BCL2: variants seen among roughly 807,000 people sequenced by gnomAD.
BCL2 encodes the protein BCL2 apoptosis regulator.
In BCL2, 1 loss-of-function variant was observed where a neutral mutation model predicts 14.2. The observed-to-expected ratio is 0.07, with a 90% CI of 0.02 to 0.33. The LOEUF is 0.33. Ranked by LOEUF, BCL2 falls within the 10% of genes least tolerant of loss-of-function variation. The pLI is 0.99. For missense variants in BCL2, 247 were observed against 305.9 expected, an observed-to-expected ratio of 0.81 and a Z score of 1.44; for synonymous variants, 151 against 137.2, an observed-to-expected ratio of 1.10 and a Z score of -0.70.
intron 2 of BCL2, among the ~76,000 whole-genome samples, chr18:63,217,917 G>A (rs1167486467): frequency 1.3e-5 from 2 of 152,142 alleles, no homozygotes; most frequent in Non-Finnish European, 2.9e-5. Context: ...TGGGTTCCTT[G>A]TACTACGAAG....
rs533893084 is a variant in BCL2 at position 63,307,024 on chromosome 18, A to AT, written c.585+11057dup. 2.0e-4 allele frequency among the ~76,000 whole-genome samples: 31 copies of AT among 152,108 alleles called. 1 individual carries two copies. In the East Asian group the frequency reaches 5.0e-3, roughly 25 times the overall value. On this transcript the variant is annotated intron_variant, in intron 2 of 2. Transcript: ENST00000333681. ...CCACTTCCCCAGGGCCTGGCTCAATATTTTTTTAAAAGTATGGTATAAATG... is the reference window on the plus strand; with the variant it reads ...CCACTTCCCCAGGGCCTGGCTCAATATTTTTTTTAAAAGTATGGTATAAATG...
rs117538898 is a variant in BCL2, at chr18:63,135,254, C to G, written c.586-6495G>C. On this transcript the variant is annotated intron_variant, in intron 2 of 2. Coordinates refer to ENST00000333681, the MANE Select transcript of BCL2 (RefSeq NM_000633.3). ...TACCCAGGGAACCTCCTCCCTGCCT[C>G]CCTCAACTTGCTTCCTCCCATCCCG... Among the ~76,000 whole-genome samples, 824 of 152,272 alleles carry G rather than the reference C, an allele frequency of 5.4e-3. 3 individuals carry two copies. The highest frequency in any genetic ancestry group is 9.1e-3 in the Non-Finnish European group (622 of 68,008).
chr18:63,136,638 C>T (rs992459557), intron 2 of BCL2, among the ~76,000 whole-genome samples: 6 of 152,206 alleles, frequency 3.9e-5, no homozygotes, highest in East Asian at 1.9e-4. Flanking sequence ...TTATTGCTAC[C>T]GGCAAACAGA....
intron 2 of BCL2, among the ~76,000 whole-genome samples, chr18:63,218,658 C>T (rs1482303146): frequency 6.4e-4 from 30 of 46,684 alleles, no homozygotes; most frequent in Non-Finnish European, 8.9e-4. Flanking sequence ...TCCACTCATC[C>T]CCATCCTCCA....
At position 63,318,043 on chromosome 18, in the gene BCL2, G is replaced by A. The variant is rs768883638; in HGVS notation, c.585+39C>T. On this transcript the variant is annotated intron_variant, in intron 2 of 2. Transcript: ENST00000333681. This position sits in a 1 kb window ranked among gnomAD's most constrained non-coding sequence, Gnocchi z 7.4. ...ACTCCAACCCCCGCATCTCGGACCT[G>A]TGGCCTCAGCCCAGACTCACATCAC... The A allele has an allele frequency of 6.2e-7, 1 of 1,604,690 alleles. No individual in the cohort carries two copies. Among genetic ancestry groups the A allele is most frequent in the Admixed American group, 1.7e-5 (1 of 59,466 alleles).
intron 2 of BCL2, among the ~76,000 whole-genome samples, chr18:63,267,965 T>C (rs1324219175): frequency 1.3e-5 from 2 of 152,206 alleles, no homozygotes; most frequent in East Asian, 3.8e-4. Flanking sequence ...CCTTACATGC[T>C]TCACGTGAAG....
At position 63,124,435 on chromosome 18, in the gene BCL2, G is replaced by A. The variant is rs954777038; in HGVS notation, c.*4190C>T. The stretch of plus-strand genomic sequence containing the variant: ...CTGATGTCTCTGGAATCTAAAGGTC[G>A]TACCACAAACTTCAAAATGTTTCTC... On this transcript the variant is annotated 3_prime_UTR_variant, in exon 3 of 3. Coordinates refer to ENST00000333681, the MANE Select transcript of BCL2 (RefSeq NM_000633.3). The A allele has an allele frequency of 1.3e-5, 3 of 231,052 alleles. No homozygotes were observed. Among genetic ancestry groups the A allele is most frequent in the East Asian group, 1.2e-4 (2 of 16,430 alleles). 14.3% of individuals were successfully genotyped at this position (231,052 alleles called of 1,614,324 possible). A position where few individuals can be genotyped will look rare whatever the true frequency, so the allele number is the denominator to read the frequency against.
intron 2 of BCL2, among the ~76,000 whole-genome samples, chr18:63,218,337 C>T (rs1198076225): frequency 6.6e-6 from 1 of 152,070 alleles, no homozygotes; most frequent in African/African-American, 2.4e-5. Context: ...AAAATGCCCA[C>T]CAGATCTCCT....
At chr18:63,160,823 C>T (rs910888994) in intron 2 of BCL2, among the ~76,000 whole-genome samples, 12 of 152,014 alleles carry the variant, frequency 7.9e-5, no homozygotes, top group African/African-American at 2.7e-4. Flanking sequence ...GGTAAGGGTA[C>T]CCCTGCTCCA....
chr18:63,272,178 G>A (rs1044534997), intron 2 of BCL2, among the ~76,000 whole-genome samples: 9 of 152,138 alleles, frequency 5.9e-5, no homozygotes, highest in Admixed American at 5.9e-4. Context: ...TGTCCCTGCT[G>A]ACCCAGGCTG....
At chr18:63,265,032 A>G (rs898866844) in intron 2 of BCL2, among the ~76,000 whole-genome samples, 2 of 149,518 alleles carry the variant, frequency 1.3e-5, no homozygotes, top group African/African-American at 4.9e-5. Flanking sequence ...GGACTGGGAG[A>G]ACAGCTGCGT....
intron 2 of BCL2, among the ~76,000 whole-genome samples, chr18:63,196,516 G>C (rs1909449581): frequency 6.6e-6 from 1 of 152,074 alleles, no homozygotes; most frequent in African/African-American, 2.4e-5. Context: ...TCATATTGAA[G>C]GAGGAGCTAT....
At chr18:63,240,302 T>C (rs1412998163) in intron 2 of BCL2, among the ~76,000 whole-genome samples, 4 of 151,584 alleles carry the variant, frequency 2.6e-5, no homozygotes, top group South Asian at 4.2e-4. Context: ...CTTGTTTTTA[T>C]AGTCCACTTG....
chr18:63,125,329 G>A lies in BCL2; in HGVS notation c.*3296C>T. On this transcript the variant is annotated 3_prime_UTR_variant, in exon 3 of 3. Coordinates refer to ENST00000333681, the MANE Select transcript of BCL2 (RefSeq NM_000633.3). ...TTTATTCCAAATCTTAAGCCTGCCA[G>A]AGTTTTCTGCCCCTGCCAAATCTTC... 4.4e-6 allele frequency: 1 copy of A among 226,340 alleles called. No homozygotes were observed. The allele number at this position is 226,340 out of a possible 1,614,324, so 14.0% of individuals were successfully genotyped here. A position where few individuals can be genotyped will look rare whatever the true frequency, so the allele number is the denominator to read the frequency against.
chr18:63,123,647 T>C lies in BCL2; in HGVS notation c.*4978A>G, dbSNP rs898233897. ...CAATACAAAAACACTTATTGTACAC[T>C]TATTTTTATTTAAAACAAAAATAAC... is the stretch of plus-strand genomic sequence containing the variant. On this transcript the variant is annotated 3_prime_UTR_variant, in exon 3 of 3. Coordinates refer to ENST00000333681, the MANE Select transcript of BCL2 (RefSeq NM_000633.3). 2.4e-5 allele frequency: 5 copies of C among 211,326 alleles called. No individual in the cohort carries two copies. The highest frequency in any genetic ancestry group is 9.1e-5 in the African/African-American group (4 of 44,068). The allele number at this position is 211,326 out of a possible 1,614,324, so 13.1% of individuals were successfully genotyped here.
intron 2 of BCL2, 109 bp downstream of exon 2, chr18:63,317,973 T>C: frequency 2.0e-6 from 3 of 1,492,230 alleles, no homozygotes; most frequent in Non-Finnish European, 2.7e-6. Flanking sequence ...TCTGATTTTA[T>C]TTCGCCGGCT....
At chr18:63,217,159 T>C (rs2144681070) in intron 2 of BCL2, among the ~76,000 whole-genome samples, 1 of 152,322 alleles carries the variant, frequency 6.6e-6, no homozygotes, top group Admixed American at 6.5e-5. Context: ...GCAGATGTAA[T>C]ATAACTGAAG....
intron 2 of BCL2, among the ~76,000 whole-genome samples, chr18:63,288,915 T>C (rs1485643857): frequency 6.6e-6 from 1 of 152,194 alleles, no homozygotes. Flanking sequence ...GATCTTGTTT[T>C]GCTTGCTGAT....
At chr18:63,296,482 T>G (rs944079891) in intron 2 of BCL2, among the ~76,000 whole-genome samples, 61 of 152,242 alleles carry the variant, frequency 4.0e-4, no homozygotes, top group Middle Eastern at 3.4e-3. Flanking sequence ...TGTTTTGTGT[T>G]TTGTAGAGGC....
Sources: gnomAD v4.1 joint callset for allele counts (sites outside exome capture counted in the v4.1 genomes callset) on GRCh38, gnomAD v4.1.1 for gene constraint, Gnocchi (gnomAD v3.1) non-coding constraint, MANE v1.5 for transcripts, NCBI Gene and HGNC (gene_info 2026-07-23, HGNC 2026-07-21) for gene names.